The following TBC1D19 variants were observed in gnomAD, a reference collection of about 807,000 sequenced individuals.
The protein encoded by TBC1D19 is TBC1 domain family member 19.
TBC1D19 carries 60 observed loss-of-function variants against 89.0 expected under a neutral mutation model. That is an observed-to-expected ratio of 0.67 (90% confidence interval 0.55 to 0.84). TBC1D19 has a LOEUF of 0.84. Among genes scored for constraint, TBC1D19 ranks in the 40% least tolerant of loss-of-function variants. The probability of loss-of-function intolerance (pLI) is 0.00; values close to 1 mark genes in which losing one functional copy is unlikely to be tolerated. For missense variants in TBC1D19, 500 were observed against 610.8 expected (o/e 0.82, Z 1.91); for synonymous variants, 189 against 199.7 (o/e 0.95, Z 0.45).
chr4:26,678,293 T>A (rs916049090), intron 11 of TBC1D19, among the ~76,000 whole-genome samples: 1 of 152,240 alleles, frequency 6.6e-6, no homozygotes, highest in African/African-American at 2.4e-5. Flanking sequence ...GAGATCTGTG[T>A]AACTTTCGTC....
At chr4:26,694,255 A>G (rs114073397) in intron 13 of TBC1D19, among the ~76,000 whole-genome samples, 2,907 of 151,924 alleles carry the variant, frequency 0.019, 73 homozygotes, top group African/African-American at 0.065. Context: ...ATTATATCCC[A>G]CCCCTGGCTC....
chr4:26,673,444 T>TACACACAC (rs149722432), intron 10 of TBC1D19, among the ~76,000 whole-genome samples: 4,355 of 78,172 alleles, frequency 0.056, 94 homozygotes, highest in East Asian at 0.15. Flanking sequence ...TATATATATA[T>TACACACAC]ATACACACAC....
upstream of TBC1D19, among the ~76,000 whole-genome samples, chr4:26,582,023 G>C (rs934934513): frequency 1.3e-5 from 2 of 150,754 alleles, no homozygotes; most frequent in African/African-American, 4.9e-5. Context: ...GCCAAACTTC[G>C]TAATTGTTGC....
intron 9 of TBC1D19, 110 bp from the exon 10 acceptor site, chr4:26,672,039 G>T: frequency 1.9e-6 from 1 of 514,608 alleles, no homozygotes; most frequent in East Asian, 1.1e-4. Flanking sequence ...GAGCCATCTG[G>T]CTTTAAAAAT....
the TBC1D19 span, among the ~76,000 whole-genome samples, chr4:26,843,860 C>T: frequency 2.6e-5 from 4 of 152,094 alleles, no homozygotes; most frequent in African/African-American, 4.8e-5. Flanking sequence ...CAGGAACAGG[C>T]CTGTCACAGG....
chr4:26,759,616 C>A (rs1288314846), downstream of TBC1D19, among the ~76,000 whole-genome samples: 1 of 152,074 alleles, frequency 6.6e-6, no homozygotes, highest in Non-Finnish European at 1.5e-5. Flanking sequence ...TGCCCCTCCC[C>A]ATCCAATCCC....
At chr4:26,690,408 G>A (rs769937965) in intron 13 of TBC1D19, among the ~76,000 whole-genome samples, 13 of 152,200 alleles carry the variant, frequency 8.5e-5, no homozygotes, top group Non-Finnish European at 1.8e-4. Flanking sequence ...AGATGAAACA[G>A]CTTTCCATTG....
chr4:26,848,146 C>G, the TBC1D19 span, among the ~76,000 whole-genome samples: 1 of 152,174 alleles, frequency 6.6e-6, no homozygotes, highest in Non-Finnish European at 1.5e-5. Context: ...AATTGGTAGA[C>G]TGATTAAAGA....
chr4:26,848,581 T>C, the TBC1D19 span, among the ~76,000 whole-genome samples: 1 of 152,126 alleles, frequency 6.6e-6, no homozygotes, highest in Non-Finnish European at 1.5e-5. Context: ...GTTACATAGG[T>C]TTAAGTTTCT....
At chr4:26,767,133 G>C in the TBC1D19 span, among the ~76,000 whole-genome samples, 1 of 152,100 alleles carries the variant, frequency 6.6e-6, no homozygotes, top group African/African-American at 2.4e-5. Context: ...TCATGCCACT[G>C]TACCCCAGCC....
At chr4:26,754,804 G>A (rs1719179092) in intron 20 of TBC1D19, 69 bp from the exon 21 acceptor site, 2 of 1,259,468 alleles carry the variant, frequency 1.6e-6, no homozygotes, top group Admixed American at 2.3e-5. Flanking sequence ...AAATTACATT[G>A]TAATTATGTT....
At chr4:26,776,871 T>G in the TBC1D19 span, among the ~76,000 whole-genome samples, 2 of 152,184 alleles carry the variant, frequency 1.3e-5, no homozygotes, top group Non-Finnish European at 2.9e-5. Context: ...TGTAAGGATT[T>G]TTTTCCTTTT....
intron 4 of TBC1D19, among the ~76,000 whole-genome samples, chr4:26,636,830 C>G (rs966023591): frequency 6.6e-6 from 1 of 151,972 alleles, no homozygotes; most frequent in Non-Finnish European, 1.5e-5. Flanking sequence ...TTTACTAGAT[C>G]ATTAATGAGA....
At chr4:26,613,859 A>G (rs1386802527) in intron 2 of TBC1D19, among the ~76,000 whole-genome samples, 1 of 152,162 alleles carries the variant, frequency 6.6e-6, no homozygotes, top group African/African-American at 2.4e-5. Flanking sequence ...GCAAGAGGAG[A>G]GAGAGGTTCC....
intron 16 of TBC1D19, among the ~76,000 whole-genome samples, chr4:26,736,043 T>A (rs1451360797): frequency 7.1e-6 from 1 of 140,650 alleles, no homozygotes; most frequent in Non-Finnish European, 1.5e-5. Flanking sequence ...ATCCCATTAC[T>A]GGGTATATAC....
chr4:26,592,662 A>T (rs1229853569), intron 1 of TBC1D19, among the ~76,000 whole-genome samples: 1 of 151,628 alleles, frequency 6.6e-6, no homozygotes, highest in Non-Finnish European at 1.5e-5. Flanking sequence ...AAATCAATGT[A>T]CAAAAATCAC....
At chr4:26,766,257 C>G in the TBC1D19 span, among the ~76,000 whole-genome samples, 1 of 152,216 alleles carries the variant, frequency 6.6e-6, no homozygotes, top group Non-Finnish European at 1.5e-5. Context: ...CTCCCCAACT[C>G]TGTCAGAGGT....
the TBC1D19 span, among the ~76,000 whole-genome samples, chr4:26,817,981 A>AAAAAATAT: frequency 1.6e-5 from 2 of 126,080 alleles, no homozygotes; most frequent in African/African-American, 7.4e-5. Context: ...AAAAAAAAAA[A>AAAAAATAT]ATATATATAT....
chr4:26,748,101 C>G (rs1251367343), intron 18 of TBC1D19, among the ~76,000 whole-genome samples: 2 of 152,094 alleles, frequency 1.3e-5, no homozygotes, highest in African/African-American at 4.8e-5. Flanking sequence ...AGAAGGTCAG[C>G]TCATTGATAG....
Sources: allele counts gnomAD v4.1 joint callset (sites outside exome capture counted in the v4.1 genomes callset), GRCh38; gene constraint gnomAD v4.1.1; transcripts MANE v1.5; gene names NCBI Gene and HGNC (gene_info 2026-07-23, HGNC 2026-07-21).